HS3ST5: variants seen among roughly 807,000 people sequenced by gnomAD.
The protein encoded by HS3ST5 is heparan sulfate glucosamine 3-O-sulfotransferase 5.
A neutral mutation model predicts 25.4 loss-of-function variants in HS3ST5; 10 were observed. The ratio of observed to expected loss-of-function variants is 0.39; its 90% confidence interval spans 0.24 to 0.67. The LOEUF (loss-of-function observed/expected upper bound fraction) is 0.67, where lower values mean the gene tolerates loss of function less well. Among genes scored for constraint, HS3ST5 ranks in the 30% least tolerant of loss-of-function variants. HS3ST5 has a pLI of 0.44. For missense variants in HS3ST5, 324 were observed against 420.7 expected (o/e 0.77, Z 2.01); for synonymous variants, 170 against 162.4 (o/e 1.05, Z -0.36).
intron 3 of HS3ST5, among the ~76,000 whole-genome samples, chr6:114,079,997 G>C (rs1774359765): frequency 6.6e-6 from 1 of 152,098 alleles, no homozygotes; most frequent in Non-Finnish European, 1.5e-5. Flanking sequence ...GGCTGGTCTT[G>C]AACTTCCGAC....
intron 1 of HS3ST5, among the ~76,000 whole-genome samples, chr6:114,318,693 A>G (rs1411037919): frequency 6.6e-6 from 1 of 152,180 alleles, no homozygotes; most frequent in Admixed American, 6.5e-5. Flanking sequence ...AGGTGTCAGC[A>G]GACTTGGGTT....
chr6:114,280,938 G>C (rs1774079568), intron 1 of HS3ST5, among the ~76,000 whole-genome samples: 1 of 151,978 alleles, frequency 6.6e-6, no homozygotes, highest in South Asian at 2.1e-4. Context: ...CCTTTTGAGG[G>C]CACACACTTC....
At chr6:114,170,672 G>A (rs184277430) in intron 2 of HS3ST5, among the ~76,000 whole-genome samples, 22 of 152,196 alleles carry the variant, frequency 1.4e-4, no homozygotes, top group Non-Finnish European at 2.2e-4. Flanking sequence ...TAGCTGCCAC[G>A]TTGGGGAAAT....
At chr6:114,223,292 C>G (rs1437908202) in intron 2 of HS3ST5, among the ~76,000 whole-genome samples, 1 of 151,728 alleles carries the variant, frequency 6.6e-6, no homozygotes, top group Non-Finnish European at 1.5e-5. Flanking sequence ...GCATTTATCA[C>G]AAATGGGTAT....
At chr6:114,182,277 A>C (rs539819520) in intron 2 of HS3ST5, among the ~76,000 whole-genome samples, 1 of 152,342 alleles carries the variant, frequency 6.6e-6, no homozygotes, top group Non-Finnish European at 1.5e-5. Flanking sequence ...CGGAATACTC[A>C]AGTAGAAAAA....
chr6:114,331,134 T>C (rs1014066500), intron 1 of HS3ST5, among the ~76,000 whole-genome samples: 13 of 152,196 alleles, frequency 8.5e-5, no homozygotes, highest in African/African-American at 2.9e-4. Flanking sequence ...GTTATTGTGA[T>C]AGAATTAAGT....
At chr6:114,089,833 T>C (rs1414879499) in intron 3 of HS3ST5, among the ~76,000 whole-genome samples, 1 of 152,242 alleles carries the variant, frequency 6.6e-6, no homozygotes, top group Non-Finnish European at 1.5e-5. Context: ...GATAATTTCT[T>C]ATTCTTTATT....
chr6:114,160,710 T>C (rs1049978199), intron 3 of HS3ST5, among the ~76,000 whole-genome samples: 1 of 152,148 alleles, frequency 6.6e-6, no homozygotes, highest in African/African-American at 2.4e-5. Context: ...ATAAATAATA[T>C]CTGACAACAG....
At chr6:114,248,698 T>G (rs1364622818) in intron 1 of HS3ST5, among the ~76,000 whole-genome samples, 1 of 152,172 alleles carries the variant, frequency 6.6e-6, no homozygotes, top group East Asian at 1.9e-4. Flanking sequence ...ACAGACAAGG[T>G]CTCTTCTTTC....
At chr6:114,227,644 A>C (rs550132409) in intron 2 of HS3ST5, among the ~76,000 whole-genome samples, 1 of 152,212 alleles carries the variant, frequency 6.6e-6, no homozygotes, top group East Asian at 1.9e-4. Flanking sequence ...TAAGAAAAAA[A>C]GTAATGGAAA....
intron 3 of HS3ST5, among the ~76,000 whole-genome samples, chr6:114,158,721 C>A (rs1778810744): frequency 6.6e-6 from 1 of 152,202 alleles, no homozygotes; most frequent in African/African-American, 2.4e-5. Flanking sequence ...TGCATACACA[C>A]AATTCCTGCT....
In HS3ST5 at chr6:114,182,086, G is replaced by A. The variant is rs58381776; in HGVS notation, c.-144-13624C>T. ...GCAAAGCCACTATTTAAAACAGATT[G>A]AGAATGTATGCAAGTCATATATATT... On this transcript the variant is annotated intron_variant, in intron 2 of 4. Transcript: ENST00000312719. 3.2e-3 allele frequency among the ~76,000 whole-genome samples: 491 copies of A among 152,176 alleles called. 2 individuals carry two copies. Among genetic ancestry groups the A allele is most frequent in the African/African-American group, 0.011 (472 of 41,544 alleles).
chr6:114,132,240 C>T (rs1777371495), intron 3 of HS3ST5: 1 of 152,170 alleles, frequency 6.6e-6, no homozygotes, highest in Admixed American at 6.5e-5. Context: ...TCCAGTAAAA[C>T]TTTGCCAAAG....
chr6:114,224,657 C>T (rs1410875513), intron 2 of HS3ST5, among the ~76,000 whole-genome samples: 5 of 149,382 alleles, frequency 3.3e-5, no homozygotes, highest in South Asian at 2.1e-4. Flanking sequence ...ATAAAGTAAT[C>T]AAATAACTTA....
At chr6:114,324,697 C>T (rs1167149230) in intron 1 of HS3ST5, among the ~76,000 whole-genome samples, 1 of 152,186 alleles carries the variant, frequency 6.6e-6, no homozygotes, top group African/African-American at 2.4e-5. Flanking sequence ...GGTCTAGATG[C>T]ACAAAGTCTA....
intron 2 of HS3ST5, among the ~76,000 whole-genome samples, chr6:114,205,032 G>A (rs915681860): frequency 2.8e-4 from 42 of 152,076 alleles, no homozygotes; most frequent in Non-Finnish European, 4.7e-4. Flanking sequence ...AGGGCATAGT[G>A]AACACTGCCG....
chr6:114,097,011 C>T (rs1294796636), intron 3 of HS3ST5, among the ~76,000 whole-genome samples: 1 of 151,938 alleles, frequency 6.6e-6, no homozygotes, highest in Non-Finnish European at 1.5e-5. Context: ...TGCTTCATTG[C>T]ACTCAATTTC....
At chr6:114,128,442 A>G (rs926023119) in intron 3 of HS3ST5, among the ~76,000 whole-genome samples, 1 of 140,100 alleles carries the variant, frequency 7.1e-6, no homozygotes, top group African/African-American at 3.3e-5. Context: ...GCCTGTCTAC[A>G]TGTCAGGCAC....
intron 1 of HS3ST5, among the ~76,000 whole-genome samples, chr6:114,328,286 T>C (rs1298992607): frequency 6.6e-6 from 1 of 151,818 alleles, no homozygotes; most frequent in African/African-American, 2.4e-5. Flanking sequence ...AGGGTAGCGA[T>C]AGTGTCTTTA....
Sources: allele counts gnomAD v4.1 joint callset (sites outside exome capture counted in the v4.1 genomes callset), GRCh38; gene constraint gnomAD v4.1.1; transcripts MANE v1.5; gene names NCBI Gene and HGNC (gene_info 2026-07-23, HGNC 2026-07-21).